The following MCCC1 variants were observed in gnomAD, a reference collection of about 807,000 sequenced individuals.
The protein encoded by MCCC1 is methylcrotonyl-CoA carboxylase subunit 1, also known as methylcrotonoyl-CoA carboxylase subunit alpha, mitochondrial.
A neutral mutation model predicts 83.8 loss-of-function variants in MCCC1; 64 were observed. That is an observed-to-expected ratio of 0.76 (90% CI 0.62 to 0.94). The LOEUF (loss-of-function observed/expected upper bound fraction) is 0.94. Among genes scored for constraint, MCCC1 ranks in the 40% least tolerant of loss-of-function variants. The pLI is 0.00. For synonymous variants in MCCC1, 322 were observed against 315.4 expected (o/e 1.02, Z -0.22); for missense variants, 807 against 904.7 (o/e 0.89, Z 1.39).
chr3:183,115,028 C>A (rs937072201), intron 1 of MCCC1, among the ~76,000 whole-genome samples: 3 of 152,140 alleles, frequency 2.0e-5, no homozygotes, highest in African/African-American at 7.2e-5. Flanking sequence ...GGGGACCCAT[C>A]ATTCCCACAC....
intron 7 of MCCC1, among the ~76,000 whole-genome samples, chr3:183,068,656 C>A (rs1032577444): frequency 6.6e-6 from 1 of 152,190 alleles, no homozygotes; most frequent in African/African-American, 2.4e-5. Flanking sequence ...ATGTGCCACA[C>A]AATGACATTC....
At chr3:183,047,799 GA>G (rs34254014) in intron 9 of MCCC1, among the ~76,000 whole-genome samples, 3 of 151,496 alleles carry the variant, frequency 2.0e-5, no homozygotes, top group African/African-American at 4.9e-5. Flanking sequence ...AAAACAGTGA[GA>G]AAAAAAACCT....
intron 14 of MCCC1, among the ~76,000 whole-genome samples, chr3:183,030,266 C>G (rs565158819): frequency 6.6e-6 from 1 of 152,064 alleles, no homozygotes; most frequent in Non-Finnish European, 1.5e-5. Flanking sequence ...CGAGATCATA[C>G]CACGGCACTC....
intron 7 of MCCC1, among the ~76,000 whole-genome samples, chr3:183,058,878 T>C (rs905496020): frequency 5.3e-5 from 8 of 152,200 alleles, no homozygotes; most frequent in Non-Finnish European, 1.0e-4. Flanking sequence ...TTCCTGTTGA[T>C]TTTTTAAAAT....
chr3:183,101,602 T>C (rs1360156215), upstream of MCCC1, among the ~76,000 whole-genome samples: 1 of 152,182 alleles, frequency 6.6e-6, no homozygotes, highest in Non-Finnish European at 1.5e-5. Flanking sequence ...ATCAGCACCC[T>C]GACAAAACAG....
intron 13 of MCCC1, among the ~76,000 whole-genome samples, chr3:183,035,592 G>A (rs1352474285): frequency 1.3e-5 from 2 of 149,496 alleles, no homozygotes; most frequent in South Asian, 2.1e-4. Context: ...AATCTGAACT[G>A]TTCCAATGAG....
At chr3:183,065,989 GGT>G (rs1405461059) in intron 7 of MCCC1, among the ~76,000 whole-genome samples, 1 of 152,164 alleles carries the variant, frequency 6.6e-6, no homozygotes, top group Non-Finnish European at 1.5e-5. Flanking sequence ...GTTATGTAAA[GGT>G]GAAATTTGGC....
intron 1 of MCCC1, among the ~76,000 whole-genome samples, chr3:183,105,322 C>A (rs1719386627): frequency 6.6e-6 from 1 of 152,046 alleles, no homozygotes; most frequent in South Asian, 2.1e-4. Flanking sequence ...CCAGCCTGGG[C>A]AGCAAGAGCA....
chr3:183,066,619 A>G (rs55811245), intron 7 of MCCC1, among the ~76,000 whole-genome samples: 84,335 of 152,188 alleles, frequency 0.55, 28,760 homozygotes, highest in Non-Finnish European at 0.76. Flanking sequence ...TTTATAATCA[A>G]CTATACAACT....
chr3:183,053,804 C>CA (rs556209665), intron 8 of MCCC1, among the ~76,000 whole-genome samples: 4,850 of 62,588 alleles, frequency 0.077, 189 homozygotes, highest in African/African-American at 0.19. Context: ...GGCTCTGTCT[C>CA]AAAAAAAAAA....
intron 1 of MCCC1, among the ~76,000 whole-genome samples, chr3:183,098,043 T>A (rs1275972311): frequency 2.6e-5 from 4 of 152,208 alleles, no homozygotes; most frequent in Non-Finnish European, 5.9e-5. Context: ...GCCTCCCGAG[T>A]AGCTGGGACT....
At chr3:183,095,765 A>C (rs958906764) in intron 1 of MCCC1, among the ~76,000 whole-genome samples, 6 of 152,162 alleles carry the variant, frequency 3.9e-5, no homozygotes, top group Non-Finnish European at 8.8e-5. Context: ...CTTGGGCTTC[A>C]GTGTTCTCAC....
intron 1 of MCCC1, among the ~76,000 whole-genome samples, chr3:183,110,662 G>A (rs1201320299): frequency 1.3e-5 from 2 of 151,788 alleles, no homozygotes; most frequent in African/African-American, 2.4e-5. Flanking sequence ...CCAGAGTGAT[G>A]GGATTACAGG....
intron 4 of MCCC1, among the ~76,000 whole-genome samples, chr3:183,077,772 AT>A (rs1285793072): frequency 6.6e-6 from 1 of 151,836 alleles, no homozygotes; most frequent in African/African-American, 2.4e-5. Flanking sequence ...TTGTAAGTTA[AT>A]TTTTTTTGTT....
chr3:183,078,068 G>A (rs929958306), intron 4 of MCCC1, among the ~76,000 whole-genome samples: 1 of 152,142 alleles, frequency 6.6e-6, no homozygotes, highest in African/African-American at 2.4e-5. Flanking sequence ...CTCCCAGGCT[G>A]GAGTGCAATG....
upstream of MCCC1, among the ~76,000 whole-genome samples, chr3:183,103,483 A>G (rs546229351): frequency 7.9e-5 from 12 of 151,976 alleles, no homozygotes. Context: ...GATTAGCTAG[A>G]TACGGAGTAT....
chr3:183,046,828 C>A (rs1714593106), intron 9 of MCCC1, among the ~76,000 whole-genome samples: 1 of 152,194 alleles, frequency 6.6e-6, no homozygotes, highest in South Asian at 2.1e-4. Flanking sequence ...GAAATCAGGT[C>A]ACAGGGCAAG....
Position 183,041,598 on chromosome 3 carries a change from A to T in MCCC1, c.1236T>A (p.Pro412=). The change falls in exon 11 of 19, where the codon CCT becomes CCA. Residue 412 remains proline (P), a synonymous_variant. Coordinates refer to ENST00000265594, the MANE Select transcript of MCCC1 (RefSeq NM_020166.5). ...LVHLSTPRAD[P]STRIETGVRQ... is the part of the protein sequence containing the mutation. Reference sequence around the variant, plus strand: ...GTACTCCAGTTTCAATCCTGGTGGAAGGGTCTGCTCGAGGAGTAGAGAGGT... The same window carrying T: ...GTACTCCAGTTTCAATCCTGGTGGATGGGTCTGCTCGAGGAGTAGAGAGGT... 1 of 1,614,102 alleles carries T rather than the reference A, an allele frequency of 6.2e-7. No homozygotes were observed. Among genetic ancestry groups the T allele is most frequent in the Non-Finnish European group, 8.5e-7 (1 of 1,179,972 alleles).
chr3:183,078,445 T>A (rs1194411268), intron 4 of MCCC1, among the ~76,000 whole-genome samples: 5 of 152,232 alleles, frequency 3.3e-5, no homozygotes, highest in African/African-American at 7.2e-5. Context: ...CTATTTTTTT[T>A]AAAGCCTGCT....
Sources: gnomAD v4.1 joint callset for allele counts (sites outside exome capture counted in the v4.1 genomes callset) on GRCh38, gnomAD v4.1.1 for gene constraint, MANE v1.5 for transcripts, NCBI Gene and HGNC (gene_info 2026-07-23, HGNC 2026-07-21) for gene names.